The following DCAF8L2 variants were observed in gnomAD, a reference collection of about 807,000 sequenced individuals.
DCAF8L2 encodes the protein DDB1- and CUL4-associated factor 8-like protein 2.
For synonymous variants in DCAF8L2, 200 were observed against 190.9 expected, an observed-to-expected ratio of 1.05 and a Z score of -0.39; for missense variants, 430 against 490.7, an observed-to-expected ratio of 0.88 and a Z score of 1.17.
chrX:27,514,693 AAAC>A, the DCAF8L2 span, among the ~76,000 whole-genome samples: 7 of 76,016 alleles, frequency 9.2e-5, no homozygotes, highest in South Asian at 9.3e-4. Flanking sequence ...AAAAAAAAAA[AAAC>A]AAAAAAAAAA....
At chrX:27,485,838 A>G in the DCAF8L2 span, among the ~76,000 whole-genome samples, 1 of 110,379 alleles carries the variant, frequency 9.1e-6, no homozygotes, top group African/African-American at 3.3e-5. Context: ...GGTTTTCAAA[A>G]ATAATGCATT....
the DCAF8L2 span, among the ~76,000 whole-genome samples, chrX:27,471,434 G>A: frequency 9.0e-6 from 1 of 110,812 alleles, no homozygotes; most frequent in African/African-American, 3.3e-5. Flanking sequence ...ATTCTACCAG[G>A]CCCCACCGCC....
intron 1 of DCAF8L2, among the ~76,000 whole-genome samples, chrX:27,599,269 GA>G (rs1926523892): frequency 9.0e-6 from 1 of 111,516 alleles, no homozygotes; most frequent in Admixed American, 9.6e-5. Context: ...GACAGACACA[GA>G]AAGACAAATA....
upstream of DCAF8L2, among the ~76,000 whole-genome samples, chrX:27,586,478 A>G (rs911522194): frequency 1.1e-4 from 12 of 111,420 alleles, no homozygotes; most frequent in African/African-American, 3.9e-4. Context: ...CACCAACATA[A>G]TGGTATGGTT....
At chrX:27,726,992 A>G (rs1932093015) in intron 4 of DCAF8L2, among the ~76,000 whole-genome samples, 1 of 111,919 alleles carries the variant, frequency 8.9e-6, no homozygotes, top group Non-Finnish European at 1.9e-5. Flanking sequence ...CTGCCAAGCA[A>G]TATTCCAAAA....
chrX:27,527,155 A>G, the DCAF8L2 span, among the ~76,000 whole-genome samples: 10 of 112,059 alleles, frequency 8.9e-5, no homozygotes, highest in Middle Eastern at 0.028. Flanking sequence ...GGCCTCCTTG[A>G]GCTGTGGTGG....
At chrX:27,565,549 T>A in the DCAF8L2 span, among the ~76,000 whole-genome samples, 1 of 111,667 alleles carries the variant, frequency 9.0e-6, no homozygotes, top group Non-Finnish European at 1.9e-5. Context: ...TATGACAGAG[T>A]GATGTTGACT....
chrX:27,677,696 A>C (rs1179001369), intron 2 of DCAF8L2, 140 bp from the exon 3 acceptor site: 2 of 111,884 alleles, frequency 1.8e-5, no homozygotes, highest in Non-Finnish European at 3.8e-5. Context: ...CCAGATTAAG[A>C]ATCGTGCTCT....
At chrX:27,711,092 CTT>C (rs1248570702) in intron 3 of DCAF8L2, among the ~76,000 whole-genome samples, 1 of 110,860 alleles carries the variant, frequency 9.0e-6, no homozygotes, top group Admixed American at 9.6e-5. Flanking sequence ...CTTTTGTTCT[CTT>C]AATATGGTTT....
At chrX:27,613,971 T>C (rs772785688) in intron 1 of DCAF8L2, among the ~76,000 whole-genome samples, 46 of 111,672 alleles carry the variant, frequency 4.1e-4, no homozygotes, top group Non-Finnish European at 7.9e-4. Flanking sequence ...CCTCATTAAA[T>C]GAGTTAGGGA....
intron 4 of DCAF8L2, among the ~76,000 whole-genome samples, chrX:27,741,220 G>T (rs781506893): frequency 1.3e-4 from 15 of 111,418 alleles, no homozygotes; most frequent in African/African-American, 3.9e-4. Flanking sequence ...TCTTTGCAAT[G>T]GGTCAAGATA....
intron 2 of DCAF8L2, among the ~76,000 whole-genome samples, chrX:27,638,592 AT>A (rs1363017871): frequency 9.0e-6 from 1 of 111,700 alleles, no homozygotes; most frequent in Non-Finnish European, 1.9e-5. Flanking sequence ...GGAATGAAAT[AT>A]AATACAAGGT....
intron 1 of DCAF8L2, among the ~76,000 whole-genome samples, chrX:27,618,385 C>T (rs1927575357): frequency 9.0e-6 from 1 of 111,650 alleles, no homozygotes; most frequent in Non-Finnish European, 1.9e-5. Context: ...GGATTGGACT[C>T]AGCTTACTAG....
chrX:27,645,372 C>T (rs866430503), intron 2 of DCAF8L2, among the ~76,000 whole-genome samples: 23 of 111,318 alleles, frequency 2.1e-4, no homozygotes, highest in African/African-American at 7.5e-4. Context: ...ATCCAACATC[C>T]TCATGATAAA....
the DCAF8L2 span, among the ~76,000 whole-genome samples, chrX:27,499,602 G>A: frequency 9.0e-6 from 1 of 111,542 alleles, no homozygotes; most frequent in African/African-American, 3.3e-5. Context: ...GAGTCCTTAG[G>A]AAACTTACAA....
intron 1 of DCAF8L2, among the ~76,000 whole-genome samples, chrX:27,615,370 A>G (rs1210132704): frequency 8.9e-6 from 1 of 112,033 alleles, no homozygotes; most frequent in Non-Finnish European, 1.9e-5. Context: ...AACATTTATA[A>G]TTATAATCAA....
chrX:27,585,113 C>T, the DCAF8L2 span, among the ~76,000 whole-genome samples: 2 of 110,565 alleles, frequency 1.8e-5, no homozygotes, highest in African/African-American at 6.6e-5. Flanking sequence ...TTGGCAAACC[C>T]TGGTTTACTT....
the DCAF8L2 span, among the ~76,000 whole-genome samples, chrX:27,487,264 CTTTTGTTTTGTTTTGTTTTG>C: frequency 1.9e-5 from 2 of 105,663 alleles, no homozygotes; most frequent in Non-Finnish European, 3.9e-5. Context: ...TCTGATTTTA[CTTTTGTTTTGTTTTGTTTTG>C]TTTTGTTTTG....
intron 2 of DCAF8L2, among the ~76,000 whole-genome samples, chrX:27,662,136 G>A (rs1929580121): frequency 9.0e-6 from 1 of 111,371 alleles, no homozygotes. Flanking sequence ...AAGATCAGGG[G>A]AGAGGTGTAG....
Sources: gnomAD v4.1 joint callset for allele counts (sites outside exome capture counted in the v4.1 genomes callset) on GRCh38, gnomAD v4.1.1 for gene constraint, MANE v1.5 for transcripts, NCBI Gene and HGNC (gene_info 2026-07-23, HGNC 2026-07-21) for gene names.